MNAT1: variants seen among roughly 807,000 people sequenced by gnomAD.
The protein encoded by MNAT1 is MNAT1 component of CDK activating kinase.
MNAT1 carries 43 observed loss-of-function variants against 42.0 expected under a neutral mutation model. That is an observed-to-expected ratio of 1.02 (90% CI 0.80 to 1.32). The LOEUF (loss-of-function observed/expected upper bound fraction) is 1.32, where lower values mean the gene tolerates loss of function less well. Among genes scored for constraint, MNAT1 ranks in the 40% most tolerant of loss-of-function variants. The probability of loss-of-function intolerance (pLI) is 0.00; values close to 1 mark genes in which losing one functional copy is unlikely to be tolerated. For missense variants in MNAT1, 306 were observed against 350.4 expected, an observed-to-expected ratio of 0.87 and a Z score of 1.01; for synonymous variants, 118 against 120.0, an observed-to-expected ratio of 0.98 and a Z score of 0.11.
At chr14:60,743,295 CT>C (rs368699682) in intron 1 of MNAT1, among the ~76,000 whole-genome samples, 273 of 148,114 alleles carry the variant, frequency 1.8e-3, no homozygotes, top group African/African-American at 5.7e-3. Context: ...TTTAGCATTT[CT>C]TTTTTTTTTT....
At position 60,968,317 on chromosome 14, in the gene MNAT1, G is replaced by C; in HGVS notation, c.898G>C (p.Ala300Pro). Reference protein sequence around the residue: ...SLACHRALQDAFSGLFWQPS With the variant: ...SLACHRALQDPFSGLFWQPS Reference sequence around the variant, plus strand: ...TGCTTGTCACAGAGCACTACAGGATGCATTCAGTGGGCTTTTCTGGCAGCC... The same window carrying C: ...TGCTTGTCACAGAGCACTACAGGATCCATTCAGTGGGCTTTTCTGGCAGCC... Residue 300 changes from alanine to proline, a missense_variant, in exon 8 of 8, where the codon GCA becomes CCA. Around this residue, in one of 3 missense-constraint regions of MNAT1, gnomAD observed 116 missense variants for 139.6 expected, o/e 0.83. Transcript: ENST00000261245. 6.2e-7 allele frequency: 1 copy of C among 1,613,372 alleles called. No homozygotes were observed. The highest frequency in any genetic ancestry group is 1.3e-5 in the African/African-American group (1 of 75,004).
chr14:60,742,950 T>C (rs1303249966), intron 1 of MNAT1, among the ~76,000 whole-genome samples: 3 of 152,248 alleles, frequency 2.0e-5, no homozygotes, highest in African/African-American at 7.2e-5. Flanking sequence ...AATGCTGCTG[T>C]GAACATTCAT....
rs1594921521 is a variant in MNAT1 at position 60,969,547 on chromosome 14, AAGATCAT to A, written c.*1200_*1206del. The A allele has an allele frequency of 6.6e-6, 1 of 152,216 alleles. No individual in the cohort carries two copies. Among genetic ancestry groups the A allele is most frequent in the South Asian group, 2.1e-4 (1 of 4,832 alleles). 9.4% of individuals were successfully genotyped at this position (152,216 alleles called of 1,614,324 possible). A position where few individuals can be genotyped will look rare whatever the true frequency, so the allele number is the denominator to read the frequency against. Reference sequence around the variant, plus strand: ...AAGGCATCAAATAATTGAGTAGACAAAGATCATATTCACAAGTTAGTAAAAAGCCAGA... The same window carrying A: ...AAGGCATCAAATAATTGAGTAGACAAATTCACAAGTTAGTAAAAAGCCAGA... On this transcript the variant is annotated 3_prime_UTR_variant, in exon 8 of 8. Coordinates refer to ENST00000261245, the MANE Select transcript of MNAT1 (RefSeq NM_002431.4).
intron 3 of MNAT1, among the ~76,000 whole-genome samples, chr14:60,799,583 C>G (rs2032135278): frequency 6.6e-6 from 1 of 151,818 alleles, no homozygotes; most frequent in Non-Finnish European, 1.5e-5. Flanking sequence ...TACAAGCAGG[C>G]AGTCAGGATA....
intron 7 of MNAT1, among the ~76,000 whole-genome samples, chr14:60,929,288 G>T (rs2035837170): frequency 6.8e-6 from 1 of 146,750 alleles, no homozygotes; most frequent in Non-Finnish European, 1.5e-5. Flanking sequence ...ATTGAATTTT[G>T]ATGAAATTCA....
chr14:60,812,147 G>A lies in MNAT1; in HGVS notation c.561+20G>A, dbSNP rs2032572466. The A allele has an allele frequency of 6.6e-7, 1 of 1,512,282 alleles. No homozygotes were observed. The allele number at this position is 1,512,282 out of a possible 1,614,324, so 93.7% of individuals were successfully genotyped here. ...GAGCTGGTATGTATTAATGCTAATT[G>A]TGATTGTAAAAAACATTCTTCAGGA... is the stretch of plus-strand genomic sequence containing the variant. On this transcript the variant is annotated intron_variant, in intron 5 of 7. Coordinates refer to ENST00000261245, the MANE Select transcript of MNAT1 (RefSeq NM_002431.4).
intron 6 of MNAT1, among the ~76,000 whole-genome samples, chr14:60,867,683 T>C (rs1278259720): frequency 6.6e-6 from 1 of 152,054 alleles, no homozygotes; most frequent in Non-Finnish European, 1.5e-5. Flanking sequence ...GGTCATGAAA[T>C]GATAGCAAGT....
chr14:60,870,826 C>T (rs1224970751), intron 6 of MNAT1, among the ~76,000 whole-genome samples: 1 of 151,956 alleles, frequency 6.6e-6, no homozygotes, highest in Non-Finnish European at 1.5e-5. Flanking sequence ...ATTTTGTAAC[C>T]ATTTCAGTAA....
intron 6 of MNAT1, among the ~76,000 whole-genome samples, chr14:60,851,405 AG>A (rs1464695475): frequency 7.1e-6 from 1 of 140,516 alleles, no homozygotes; most frequent in Non-Finnish European, 1.5e-5. Flanking sequence ...AACAAATTGA[AG>A]GTTTCTGGCA....
rs191786885 is a variant in MNAT1 at position 60,826,385 on chromosome 14, T to G, written c.687+7538T>G. On this transcript the variant is annotated intron_variant, in intron 6 of 7. Coordinates refer to ENST00000261245, the MANE Select transcript of MNAT1 (RefSeq NM_002431.4). ...AGGCTGGAGTGCAGTGATGTGATCTTGGCTCACTGCCACCTCTGCCTCCTG... is the reference window on the plus strand; with the variant it reads ...AGGCTGGAGTGCAGTGATGTGATCTGGGCTCACTGCCACCTCTGCCTCCTG... Among the ~76,000 whole-genome samples the G allele has an allele frequency of 6.9e-4, 104 of 150,016 alleles. 1 individual carries two copies. The East Asian group carries it at 0.02, about 28-fold the overall frequency.
intron 1 of MNAT1, chr14:60,780,199 T>C (rs1359340729): frequency 6.8e-7 from 1 of 1,480,678 alleles, no homozygotes; most frequent in Non-Finnish European, 9.4e-7. Flanking sequence ...AACTAAAAGA[T>C]TGGTTATACA....
In MNAT1 at chr14:60,846,579, C is replaced by G. The variant is rs142667128; in HGVS notation, c.687+27732C>G. On this transcript the variant is annotated intron_variant, in intron 6 of 7. Transcript: ENST00000261245. ...ATAATACCTCTACATACTGCTTTTG[C>G]TACAATAATATGTTGTATTTTCATA... Among the ~76,000 whole-genome samples, 554 of 152,250 alleles carry G rather than the reference C, an allele frequency of 3.6e-3. 1 individual carries two copies. The highest frequency in any genetic ancestry group is 6.3e-3 in the Non-Finnish European group (431 of 68,010).
chr14:60,962,752 G>A (rs2036618058), intron 7 of MNAT1, among the ~76,000 whole-genome samples: 2 of 152,170 alleles, frequency 1.3e-5, no homozygotes, highest in South Asian at 2.1e-4. Flanking sequence ...GAAACCATGT[G>A]TCTTTTAATT....
At chr14:60,909,245 T>A (rs1246813877) in intron 7 of MNAT1, among the ~76,000 whole-genome samples, 1 of 152,198 alleles carries the variant, frequency 6.6e-6, no homozygotes, top group Non-Finnish European at 1.5e-5. Flanking sequence ...ATGAGTAGGT[T>A]GCAAAAATTT....
intron 7 of MNAT1, among the ~76,000 whole-genome samples, chr14:60,925,883 A>C (rs573934558): frequency 6.6e-6 from 1 of 152,326 alleles, no homozygotes; most frequent in African/African-American, 2.4e-5. Flanking sequence ...GGCAGAATAT[A>C]AGATCTTTCA....
chr14:60,959,699 G>A (rs1176516674), intron 7 of MNAT1, among the ~76,000 whole-genome samples: 1 of 152,258 alleles, frequency 6.6e-6, no homozygotes, highest in South Asian at 2.1e-4. Context: ...GTAGATTCCT[G>A]AGCTCTTCCA....
intron 7 of MNAT1, among the ~76,000 whole-genome samples, chr14:60,880,947 TA>T (rs922801099): frequency 2.6e-5 from 4 of 152,208 alleles, no homozygotes; most frequent in African/African-American, 9.6e-5. Context: ...TTTTATAATG[TA>T]AAAAGTTATA....
chr14:60,779,969 TC>T, intron 1 of MNAT1: 1 of 1,546,584 alleles, frequency 6.5e-7, no homozygotes, highest in Non-Finnish European at 8.9e-7. Flanking sequence ...TGGCCATGTG[TC>T]CCTGGCCATG....
At chr14:60,887,107 T>G (rs888904885) in intron 7 of MNAT1, among the ~76,000 whole-genome samples, 2 of 152,176 alleles carry the variant, frequency 1.3e-5, no homozygotes, top group African/African-American at 2.4e-5. Flanking sequence ...TGCATATATA[T>G]TGAGATGATC....
Sources: allele counts gnomAD v4.1 joint callset (sites outside exome capture counted in the v4.1 genomes callset), GRCh38; gene constraint gnomAD v4.1.1; regional missense constraint gnomAD v4.1.1; transcripts MANE v1.5; gene names NCBI Gene and HGNC (gene_info 2026-07-23, HGNC 2026-07-21).